Variants in TM4SF5 observed in about 807,000 individuals in gnomAD.
The protein encoded by TM4SF5 is transmembrane 4 L six family member 5.
TM4SF5 carries 16 observed loss-of-function variants against 22.3 expected under a neutral mutation model. That is an observed-to-expected ratio of 0.72 (90% confidence interval 0.49 to 1.09). TM4SF5 has a LOEUF of 1.09. Ranked by LOEUF, TM4SF5 falls within the 50% of genes least tolerant of loss-of-function variation. The pLI is 0.00. For synonymous variants in TM4SF5, 113 were observed against 109.6 expected (o/e 1.03, Z -0.19); for missense variants, 249 against 266.1 (o/e 0.94, Z 0.45).
At chr17:4,776,468 A>T (rs966737585) in intron 1 of TM4SF5, among the ~76,000 whole-genome samples, 3 of 151,326 alleles carry the variant, frequency 2.0e-5, no homozygotes, top group Admixed American at 6.6e-5. Flanking sequence ...TGCCCAGTTA[A>T]TTTTTGTATT....
chr17:4,778,041 C>T (rs1417162324), intron 1 of TM4SF5, among the ~76,000 whole-genome samples: 18 of 151,656 alleles, frequency 1.2e-4, no homozygotes, highest in Admixed American at 1.1e-3. Flanking sequence ...GTGAGACCCT[C>T]TCTCAAACAA....
Position 4,782,830 on chromosome 17 carries a change from C to T in TM4SF5, c.396-24C>T, listed in dbSNP as rs777224381. The T allele has an allele frequency of 9.4e-6, 15 of 1,602,678 alleles. 1 individual carries two copies. The South Asian group carries it at 1.6e-4, about 17-fold the overall frequency. On this transcript the variant is annotated intron_variant, in intron 3 of 4. Coordinates refer to ENST00000270560, the MANE Select transcript of TM4SF5 (RefSeq NM_003963.3). ...GGCGCACGCGCACGCTGCCTTCTCC[C>T]ACGTGGCCTCACCCCTCCCACAGGG...
chr17:4,774,869 T>C (rs1199385794), intron 1 of TM4SF5, among the ~76,000 whole-genome samples: 2 of 152,180 alleles, frequency 1.3e-5, no homozygotes, highest in East Asian at 3.8e-4. Flanking sequence ...ATTGCACCAT[T>C]GTACTCCAGC....
At position 4,782,889 on chromosome 17, in the gene TM4SF5, G is replaced by C. The variant is rs771748392; in HGVS notation, c.431G>C (p.Arg144Pro). The change falls in exon 4 of 5, where the codon CGG becomes CCG. Residue 144 changes from arginine to proline, a missense_variant. Coordinates refer to ENST00000270560, the MANE Select transcript of TM4SF5 (RefSeq NM_003963.3). Reference sequence around the variant, plus strand: ...TTGCTCAACCGCACTCTATGGGATCGGTGCGAGGCGCCCCCTCGCGTGGTC... The same window carrying C: ...TTGCTCAACCGCACTCTATGGGATCCGTGCGAGGCGCCCCCTCGCGTGGTC... ...AYLLNRTLWD[R>P]CEAPPRVVPW... is the part of the protein sequence containing the mutation. The C allele has an allele frequency of 1.4e-5, 22 of 1,613,998 alleles. No homozygotes were observed. The highest frequency in any genetic ancestry group is 1.7e-5 in the Admixed American group (1 of 60,002).
At chr17:4,782,811 C>T (rs370164476) in intron 3 of TM4SF5, 43 bp from the exon 4 acceptor site, 2 of 1,588,186 alleles carry the variant, frequency 1.3e-6, no homozygotes, top group South Asian at 1.1e-5. Flanking sequence ...GGGTGGCGCA[C>T]GCGCACGCTG....
chr17:4,776,040 G>A (rs951403445), intron 1 of TM4SF5, among the ~76,000 whole-genome samples: 4 of 151,570 alleles, frequency 2.6e-5, no homozygotes, highest in African/African-American at 9.7e-5. Flanking sequence ...TAGAGATGGG[G>A]GTTTCGCCAT....
At chr17:4,774,168 C>A (rs1460984217) in intron 1 of TM4SF5, among the ~76,000 whole-genome samples, 1 of 152,186 alleles carries the variant, frequency 6.6e-6, no homozygotes, top group Non-Finnish European at 1.5e-5. Flanking sequence ...GGCGAGATTG[C>A]GCCATTGTGC....
At chr17:4,776,990 G>C (rs1161999117) in intron 1 of TM4SF5, among the ~76,000 whole-genome samples, 3 of 152,038 alleles carry the variant, frequency 2.0e-5, no homozygotes, top group Non-Finnish European at 4.4e-5. Context: ...ATGAGGTCAG[G>C]AGTTCGAGAC....
chr17:4,780,786 C>A lies in TM4SF5; in HGVS notation c.178-3C>A. Reference sequence around the variant, plus strand: ...TGCTATAACAATGACTCTTGTCCCACAGGTACTGTGTCCGGGGATTGCAGC... The same window carrying A: ...TGCTATAACAATGACTCTTGTCCCAAAGGTACTGTGTCCGGGGATTGCAGC... On this transcript the variant is annotated splice_polypyrimidine_tract_variant and splice_region_variant and intron_variant, in intron 1 of 4. Coordinates refer to ENST00000270560, the MANE Select transcript of TM4SF5 (RefSeq NM_003963.3). 6.2e-7 allele frequency: 1 copy of A among 1,609,066 alleles called. No individual in the cohort carries two copies. The highest frequency in any genetic ancestry group is 1.1e-5 in the South Asian group (1 of 89,906).
intron 1 of TM4SF5, among the ~76,000 whole-genome samples, chr17:4,773,107 G>A (rs977828837): frequency 1.3e-5 from 2 of 152,040 alleles, no homozygotes; most frequent in African/African-American, 2.4e-5. Context: ...GTTTCGCCAC[G>A]TTGGCTAGGC....
intron 1 of TM4SF5, among the ~76,000 whole-genome samples, chr17:4,777,262 G>A (rs977199160): frequency 2.0e-5 from 3 of 151,896 alleles, no homozygotes; most frequent in Non-Finnish European, 2.9e-5. Flanking sequence ...GGAGAGATGA[G>A]AGTGGCTTGG....
chr17:4,782,552 A>G lies in TM4SF5; in HGVS notation c.308A>G (p.Tyr103Cys). 6.8e-6 allele frequency: 11 copies of G among 1,612,368 alleles called. No individual in the cohort carries two copies. Among genetic ancestry groups the G allele is most frequent in the Admixed American group, 1.7e-5 (1 of 59,818 alleles). ...SSAFGVLGAI[Y>C]CLSVSGAGLR... ...GCGTTCGGGGTGCTTGGTGCCATCT[A>G]CTGCCTCTCGGTGTCTGGAGCTGGG... The change falls in exon 3 of 5, where the codon TAC becomes TGC. Residue 103 changes from tyrosine (Y) to cysteine (C), a missense_variant. Tyr to Cys is a radical substitution (Grantham distance 194). Coordinates refer to ENST00000270560, the MANE Select transcript of TM4SF5 (RefSeq NM_003963.3).
intron 1 of TM4SF5, among the ~76,000 whole-genome samples, chr17:4,773,439 C>T (rs1413338434): frequency 6.6e-6 from 1 of 152,168 alleles, no homozygotes; most frequent in Non-Finnish European, 1.5e-5. Flanking sequence ...TTGGGATGGT[C>T]AACCTCGTTT....
chr17:4,782,528 CG>C lies in TM4SF5; in HGVS notation c.285del (p.Phe96SerfsTer24). ...CRMLRSVFSS[A>X]FGVLGAIYCL... ...ATGCTGCGCTCGGTCTTCTCCTCGG[CG>C]TTCGGGGTGCTTGGTGCCATCTACT... On this transcript the variant is annotated frameshift_variant, in exon 3 of 5. Transcript: ENST00000270560. LOFTEE classifies it high-confidence loss of function. The C allele has an allele frequency of 6.2e-7, 1 of 1,614,008 alleles. No homozygotes were observed. Among genetic ancestry groups the C allele is most frequent in the Non-Finnish European group, 8.5e-7 (1 of 1,180,006 alleles).
chr17:4,780,908 G>A (rs1220912095), intron 2 of TM4SF5, 39 bp downstream of exon 2: 1 of 1,569,128 alleles, frequency 6.4e-7, no homozygotes, highest in Middle Eastern at 1.9e-4. Flanking sequence ...GGCTGGGGGT[G>A]GTGTCTCATG....
chr17:4,778,342 C>G (rs954155802), intron 1 of TM4SF5, among the ~76,000 whole-genome samples: 2 of 151,590 alleles, frequency 1.3e-5, no homozygotes, highest in African/African-American at 4.9e-5. Context: ...GAGCCAGGCA[C>G]AGTGGCTCAT....
intron 1 of TM4SF5, among the ~76,000 whole-genome samples, chr17:4,779,580 A>G (rs879049836): frequency 4.6e-5 from 7 of 152,214 alleles, no homozygotes; most frequent in Non-Finnish European, 7.3e-5. Context: ...AGGAACTCAC[A>G]GATTCAGGAG....
chr17:4,782,760 C>G, intron 3 of TM4SF5, 94 bp from the exon 4 acceptor site: 3 of 1,570,700 alleles, frequency 1.9e-6, no homozygotes, highest in South Asian at 1.2e-5. Context: ...CGTGGGCTAC[C>G]TGGGCCTTAG....
At position 4,772,336 on chromosome 17, in the gene TM4SF5, G is replaced by A. The variant is rs117027391; in HGVS notation, c.177+237G>A. On this transcript the variant is annotated intron_variant, in intron 1 of 4. Coordinates refer to ENST00000270560, the MANE Select transcript of TM4SF5 (RefSeq NM_003963.3). ...CACTGCTCTAAAGAGCTCCCCTACC[G>A]GGTAGGGAGCATGTCCTGCCTGTCC... Among the ~76,000 whole-genome samples, 93 of 152,272 alleles carry A rather than the reference G, an allele frequency of 6.1e-4. No homozygotes were observed. The East Asian group carries it at 0.012, about 20-fold the overall frequency.
Sources: allele counts gnomAD v4.1 joint callset (sites outside exome capture counted in the v4.1 genomes callset), GRCh38; gene constraint gnomAD v4.1.1; transcripts MANE v1.5; gene names NCBI Gene and HGNC (gene_info 2026-07-23, HGNC 2026-07-21).